The following LRMDA variants were observed in gnomAD, a reference collection of about 807,000 sequenced individuals.
The protein encoded by LRMDA is leucine-rich melanocyte differentiation-associated protein.
In LRMDA, 18 loss-of-function variants were observed where a neutral mutation model predicts 29.8. The ratio of observed to expected loss-of-function variants is 0.60; its 90% CI spans 0.42 to 0.90. LRMDA has a LOEUF of 0.90. LRMDA is among the 40% of genes least tolerant of loss of function. The pLI is 0.00. For synonymous variants in LRMDA, 125 were observed against 109.4 expected, an observed-to-expected ratio of 1.14 and a Z score of -0.89; for missense variants, 273 against 273.9, an observed-to-expected ratio of 1.00 and a Z score of 0.02.
At chr10:75,983,464 A>C (rs931550041) in intron 2 of LRMDA, among the ~76,000 whole-genome samples, 1 of 152,152 alleles carries the variant, frequency 6.6e-6, no homozygotes, top group East Asian at 1.9e-4. Context: ...CTTACCTGTC[A>C]TTGAATCCTT....
chr10:76,075,644 T>C (rs1034179934), intron 5 of LRMDA, among the ~76,000 whole-genome samples: 3 of 152,256 alleles, frequency 2.0e-5, no homozygotes, highest in African/African-American at 7.2e-5. Context: ...AATAGTCAGC[T>C]ACTGTAAACC....
chr10:75,775,590 TG>T (rs1289970018), intron 2 of LRMDA, among the ~76,000 whole-genome samples: 1 of 152,184 alleles, frequency 6.6e-6, no homozygotes, highest in African/African-American at 2.4e-5. Flanking sequence ...CCTGGTCCAG[TG>T]GTCCCCCGAA....
chr10:75,883,651 A>T (rs1425809431), intron 2 of LRMDA: 1 of 152,112 alleles, frequency 6.6e-6, no homozygotes, highest in Non-Finnish European at 1.5e-5. Flanking sequence ...TCTTCAAGAC[A>T]TACTTTTGTG....
At chr10:76,439,978 A>G (rs1423446637) in intron 6 of LRMDA, among the ~76,000 whole-genome samples, 3 of 152,204 alleles carry the variant, frequency 2.0e-5, no homozygotes, top group Non-Finnish European at 2.9e-5. Context: ...ATCACTCACC[A>G]GAAGTTCTGA....
At chr10:75,896,289 C>G (rs1845580318) in intron 2 of LRMDA, among the ~76,000 whole-genome samples, 1 of 152,188 alleles carries the variant, frequency 6.6e-6, no homozygotes, top group Non-Finnish European at 1.5e-5. Flanking sequence ...TTCACTTAAC[C>G]AATTTCTCAT....
chr10:75,556,746 A>T, intron 2 of LRMDA, among the ~76,000 whole-genome samples: 2 of 113,992 alleles, frequency 1.8e-5, no homozygotes. Context: ...ATGTGGTTGC[A>T]TGATTGTTTT....
At chr10:76,426,411 T>C (rs1364345294) in intron 6 of LRMDA, among the ~76,000 whole-genome samples, 5 of 152,248 alleles carry the variant, frequency 3.3e-5, no homozygotes, top group Non-Finnish European at 7.3e-5. Flanking sequence ...TTTTGAGAAG[T>C]GTCTGTTCAT....
intron 2 of LRMDA, among the ~76,000 whole-genome samples, chr10:75,862,261 A>G (rs979960214): frequency 4.6e-5 from 7 of 151,838 alleles, no homozygotes; most frequent in African/African-American, 1.7e-4. Context: ...TTCATATCTG[A>G]GAAGTTGGTG....
chr10:75,800,728 T>A (rs557412819), intron 2 of LRMDA, among the ~76,000 whole-genome samples: 18 of 152,358 alleles, frequency 1.2e-4, no homozygotes, highest in African/African-American at 4.3e-4. Context: ...ACATTTGGGT[T>A]ATCTCAAAAT....
chr10:75,616,093 C>A (rs987635182), intron 2 of LRMDA, among the ~76,000 whole-genome samples: 1 of 152,060 alleles, frequency 6.6e-6, no homozygotes, highest in Non-Finnish European at 1.5e-5. Flanking sequence ...GTGGGGAGGG[C>A]TCACAGTCAT....
At chr10:76,075,538 C>T (rs894043882) in intron 5 of LRMDA, among the ~76,000 whole-genome samples, 1 of 152,226 alleles carries the variant, frequency 6.6e-6, no homozygotes, top group Non-Finnish European at 1.5e-5. Context: ...ACTAATACAG[C>T]AGCTCAAATG....
At chr10:75,639,397 G>C (rs1335313930) in intron 2 of LRMDA, among the ~76,000 whole-genome samples, 1 of 152,120 alleles carries the variant, frequency 6.6e-6, no homozygotes, top group African/African-American at 2.4e-5. Context: ...GGGAAGGGGA[G>C]CCGAAACAGT....
intron 2 of LRMDA, among the ~76,000 whole-genome samples, chr10:76,009,225 C>A (rs931465727): frequency 6.6e-6 from 1 of 152,194 alleles, no homozygotes; most frequent in African/African-American, 2.4e-5. Context: ...CTCCCACTAG[C>A]CCCCTCCCCA....
intron 2 of LRMDA, among the ~76,000 whole-genome samples, chr10:75,771,419 G>T (rs1434616129): frequency 6.6e-6 from 1 of 152,188 alleles, no homozygotes; most frequent in African/African-American, 2.4e-5. Flanking sequence ...TGAGGCGCGT[G>T]AATCAGAATG....
chr10:76,408,074 T>G (rs1311358544), intron 6 of LRMDA, among the ~76,000 whole-genome samples: 1 of 152,240 alleles, frequency 6.6e-6, no homozygotes, highest in Admixed American at 6.5e-5. Context: ...CTTACTGCTT[T>G]TTATTATATT....
chr10:76,063,801 A>G (rs1564643196), intron 5 of LRMDA, among the ~76,000 whole-genome samples: 1 of 152,012 alleles, frequency 6.6e-6, no homozygotes, highest in Non-Finnish European at 1.5e-5. Flanking sequence ...TCCCCTGGGT[A>G]CCTTTAGTTT....
At chr10:75,450,130 A>G (rs1426640741) in intron 2 of LRMDA, 1 of 152,090 alleles carries the variant, frequency 6.6e-6, no homozygotes, top group African/African-American at 2.4e-5. Flanking sequence ...CCTGGCCGAG[A>G]CTTTTCTAAT....
At chr10:75,572,085 C>T (rs1472327882) in intron 2 of LRMDA, among the ~76,000 whole-genome samples, 1 of 152,080 alleles carries the variant, frequency 6.6e-6, no homozygotes, top group Non-Finnish European at 1.5e-5. Flanking sequence ...TCCTGAGTAG[C>T]TGGGACTACA....
intron 2 of LRMDA, among the ~76,000 whole-genome samples, chr10:75,796,900 A>G (rs1397781996): frequency 6.6e-6 from 1 of 152,212 alleles, no homozygotes; most frequent in African/African-American, 2.4e-5. Flanking sequence ...TTTTTAGTCT[A>G]TGTTCATGAT....
Sources: allele counts gnomAD v4.1 joint callset (sites outside exome capture counted in the v4.1 genomes callset), GRCh38; gene constraint gnomAD v4.1.1; transcripts MANE v1.5; gene names NCBI Gene and HGNC (gene_info 2026-07-23, HGNC 2026-07-21).